The following PAK3 variants were observed in gnomAD, a reference collection of about 807,000 sequenced individuals.
PAK3 encodes the protein p21 (RAC1) activated kinase 3, also known as serine/threonine-protein kinase PAK 3.
A neutral mutation model predicts 41.0 loss-of-function variants in PAK3; 4 were observed. The ratio of observed to expected loss-of-function variants is 0.10; its 90% CI spans 0.05 to 0.22. The LOEUF is 0.22. PAK3 is among the 10% of genes least tolerant of loss of function. PAK3 has a pLI of 1.00. For missense variants in PAK3, 205 were observed against 409.9 expected, an observed-to-expected ratio of 0.50 and a Z score of 4.32; for synonymous variants, 146 against 139.6, an observed-to-expected ratio of 1.05 and a Z score of -0.32.
chrX:111,164,822 G>T (rs149408066), intron 10 of PAK3, among the ~76,000 whole-genome samples: 1 of 111,634 alleles, frequency 9.0e-6, no homozygotes, highest in South Asian at 3.7e-4. Flanking sequence ...TGGAAAATAC[G>T]ATTTAATAGT....
At chrX:111,087,167 GT>G (rs1569309583) in intron 1 of PAK3, among the ~76,000 whole-genome samples, 2 of 109,181 alleles carry the variant, frequency 1.8e-5, no homozygotes, top group African/African-American at 6.8e-5. Flanking sequence ...GTGTGTGTGT[GT>G]GTGGCAGGGT....
At chrX:111,167,873 TA>T (rs201984400) in intron 10 of PAK3, among the ~76,000 whole-genome samples, 2,312 of 110,820 alleles carry the variant, frequency 0.021, 20 homozygotes, top group Middle Eastern at 0.047. Context: ...TAAAGTATAA[TA>T]AAAAAGGAAA....
chrX:111,070,134 AAAC>A (rs1297484638), intron 1 of PAK3, among the ~76,000 whole-genome samples: 1 of 111,944 alleles, frequency 8.9e-6, no homozygotes, highest in Non-Finnish European at 1.9e-5. Context: ...ACAAACAAAC[AAAC>A]AACAACAACA....
intron 1 of PAK3, among the ~76,000 whole-genome samples, chrX:111,017,786 A>G (rs902199807): frequency 2.7e-5 from 3 of 112,004 alleles, no homozygotes; most frequent in African/African-American, 9.7e-5. Flanking sequence ...ACACTGCAAG[A>G]GAACTACAGA....
intron 1 of PAK3, among the ~76,000 whole-genome samples, chrX:110,966,448 G>A (rs1051572626): frequency 5.5e-4 from 61 of 110,443 alleles, no homozygotes; most frequent in African/African-American, 2.0e-3. Flanking sequence ...AGGGAGGGAG[G>A]GTAGGAGAGA....
chrX:111,106,580 C>G (rs1162601537), intron 4 of PAK3, among the ~76,000 whole-genome samples: 1 of 111,128 alleles, frequency 9.0e-6, no homozygotes, highest in Non-Finnish European at 1.9e-5. Context: ...TTCACACATA[C>G]TGCTAGTGAC....
At chrX:111,207,904 C>T (rs1205894130) in intron 16 of PAK3, among the ~76,000 whole-genome samples, 1 of 112,344 alleles carries the variant, frequency 8.9e-6, no homozygotes, top group Non-Finnish European at 1.9e-5. Flanking sequence ...AAGCAATTCT[C>T]ATGTCCCAGC....
chrX:111,170,444 G>T (rs1012128659), intron 10 of PAK3, among the ~76,000 whole-genome samples: 3 of 110,651 alleles, frequency 2.7e-5, no homozygotes, highest in Non-Finnish European at 5.7e-5. Context: ...ACTATCTACT[G>T]CTGTTAGGTC....
chrX:111,193,589 A>T (rs1398372284), intron 13 of PAK3, among the ~76,000 whole-genome samples: 1 of 110,206 alleles, frequency 9.1e-6, no homozygotes, highest in African/African-American at 3.3e-5. Context: ...GCCTCAGGTG[A>T]TTCACCCACC....
At chrX:111,145,257 G>GT (rs1411737309) in intron 6 of PAK3, among the ~76,000 whole-genome samples, 1 of 112,318 alleles carries the variant, frequency 8.9e-6, no homozygotes, top group Non-Finnish European at 1.9e-5. Context: ...AATGTCAGCA[G>GT]TGTAGTCAAA....
intron 11 of PAK3, among the ~76,000 whole-genome samples, chrX:111,175,515 G>A (rs1441421518): frequency 1.8e-5 from 2 of 111,283 alleles, no homozygotes; most frequent in East Asian, 5.7e-4. Flanking sequence ...CTAATAGGCA[G>A]TAATGCTCTA....
At chrX:111,170,656 G>A (rs2094326222) in intron 10 of PAK3, among the ~76,000 whole-genome samples, 1 of 111,469 alleles carries the variant, frequency 9.0e-6, no homozygotes, top group South Asian at 3.8e-4. Flanking sequence ...CCCTCAAGAA[G>A]CAGCATGTAA....
intron 4 of PAK3, among the ~76,000 whole-genome samples, chrX:111,114,094 C>T (rs2093421852): frequency 8.9e-6 from 1 of 112,334 alleles, no homozygotes; most frequent in South Asian, 3.7e-4. Flanking sequence ...CATACGTGTT[C>T]ATGTGTCTTT....
intron 1 of PAK3, among the ~76,000 whole-genome samples, chrX:111,033,323 C>T (rs1441910367): frequency 9.0e-6 from 1 of 111,493 alleles, no homozygotes; most frequent in Non-Finnish European, 1.9e-5. Flanking sequence ...CTCCCTCCTC[C>T]TCCTCCATCT....
intron 5 of PAK3, among the ~76,000 whole-genome samples, chrX:111,124,836 G>T (rs2093625920): frequency 9.4e-6 from 1 of 106,798 alleles, no homozygotes; most frequent in African/African-American, 3.3e-5. Context: ...GGGATGGTTT[G>T]AACAGTACTT....
chrX:111,104,032 T>G, intron 4 of PAK3, among the ~76,000 whole-genome samples: 1 of 112,312 alleles, frequency 8.9e-6, no homozygotes, highest in Non-Finnish European at 1.9e-5. Flanking sequence ...TAGTCTCCCT[T>G]AAAAGGGCTC....
intron 1 of PAK3, among the ~76,000 whole-genome samples, chrX:111,031,477 G>T (rs1216607385): frequency 8.9e-6 from 1 of 112,119 alleles, no homozygotes; most frequent in Non-Finnish European, 1.9e-5. Flanking sequence ...TGACTGTAGT[G>T]ACTAAATGTC....
At chrX:111,142,286 G>A in intron 6 of PAK3, 90 bp downstream of exon 6, 1 of 591,730 alleles carries the variant, frequency 1.7e-6, no homozygotes, top group Admixed American at 2.2e-5. Context: ...GTCCCAAAAT[G>A]TCAGACTTAA....
intron 1 of PAK3, among the ~76,000 whole-genome samples, chrX:111,043,290 T>C (rs1282470169): frequency 9.9e-6 from 1 of 100,689 alleles, no homozygotes; most frequent in Non-Finnish European, 2.0e-5. Context: ...TGAGACCCTG[T>C]CTCAAAAAAA....
Sources: gnomAD v4.1 joint callset for allele counts (sites outside exome capture counted in the v4.1 genomes callset) on GRCh38, gnomAD v4.1.1 for gene constraint, MANE v1.5 for transcripts, NCBI Gene and HGNC (gene_info 2026-07-23, HGNC 2026-07-21) for gene names.